QTMAN: variants seen among roughly 807,000 people sequenced by gnomAD.
QTMAN encodes the protein queuosine-tRNA mannosyltransferase, also known as tRNA-queuosine alpha-mannosyltransferase.
chr2:144,173,248 T>C, the QTMAN span, among the ~76,000 whole-genome samples: 1 of 152,170 alleles, frequency 6.6e-6, no homozygotes, highest in Non-Finnish European at 1.5e-5. Context: ...TCCATCTCCT[T>C]GTATTCATGC....
the QTMAN span, among the ~76,000 whole-genome samples, chr2:144,116,538 G>A: frequency 5.3e-5 from 8 of 152,082 alleles, no homozygotes; most frequent in African/African-American, 9.7e-5. Flanking sequence ...TAGAACTCCC[G>A]TACACAATGC....
At chr2:144,019,833 C>T in the QTMAN span, among the ~76,000 whole-genome samples, 2 of 152,152 alleles carry the variant, frequency 1.3e-5, no homozygotes, top group Admixed American at 1.3e-4. Context: ...GGAGATTCAC[C>T]TTCTAGGAAA....
chr2:143,994,906 A>T, the QTMAN span, among the ~76,000 whole-genome samples: 1 of 152,226 alleles, frequency 6.6e-6, no homozygotes. Context: ...ACCCCATTAA[A>T]GCTGTTTTTA....
At chr2:144,198,656 A>G in the QTMAN span, among the ~76,000 whole-genome samples, 1 of 152,146 alleles carries the variant, frequency 6.6e-6, no homozygotes, top group East Asian at 1.9e-4. Flanking sequence ...ACTCAATTAC[A>G]TTTGCTTTCA....
the QTMAN span, among the ~76,000 whole-genome samples, chr2:144,246,579 CAAAAAAAAAAA>C: frequency 1.9e-4 from 9 of 47,072 alleles, no homozygotes; most frequent in East Asian, 5.8e-4. Context: ...GACTCCGTCT[CAAAAAAAAAAA>C]AAAAAAAAAA....
the QTMAN span, among the ~76,000 whole-genome samples, chr2:144,272,078 C>A: frequency 6.6e-6 from 1 of 152,056 alleles, no homozygotes; most frequent in African/African-American, 2.4e-5. Flanking sequence ...TGATATTGTT[C>A]TCTGTGTAGC....
At chr2:144,182,112 A>C in the QTMAN span, among the ~76,000 whole-genome samples, 7 of 152,138 alleles carry the variant, frequency 4.6e-5, no homozygotes, top group Non-Finnish European at 1.0e-4. Flanking sequence ...GAAATAAAAG[A>C]GAATAAAAAA....
the QTMAN span, among the ~76,000 whole-genome samples, chr2:143,956,266 GA>G: frequency 1.3e-5 from 2 of 152,128 alleles, no homozygotes; most frequent in Non-Finnish European, 2.9e-5. Flanking sequence ...GTGATATTCT[GA>G]AGGAGATTTT....
the QTMAN span, among the ~76,000 whole-genome samples, chr2:144,008,968 A>C: frequency 1.3e-5 from 2 of 152,118 alleles, no homozygotes; most frequent in Middle Eastern, 3.4e-3. Context: ...GGTAGAGAGA[A>C]GGGAGGGGAA....
the QTMAN span, among the ~76,000 whole-genome samples, chr2:144,282,644 T>C: frequency 6.6e-6 from 1 of 152,062 alleles, no homozygotes; most frequent in Non-Finnish European, 1.5e-5. Context: ...ATGGTGTGAA[T>C]TAATAGGAAA....
the QTMAN span, among the ~76,000 whole-genome samples, chr2:144,089,558 A>G: frequency 6.6e-6 from 1 of 152,048 alleles, no homozygotes; most frequent in Non-Finnish European, 1.5e-5. Context: ...TCATCAAGAG[A>G]TGAATATATA....
At chr2:143,947,203 G>T in the QTMAN span, 2 of 1,166,352 alleles carry the variant, frequency 1.7e-6, no homozygotes, top group Non-Finnish European at 2.6e-6. Context: ...ATGAAAGTAT[G>T]CTGAAAATTT....
At chr2:144,320,604 T>C in the QTMAN span, among the ~76,000 whole-genome samples, 1 of 152,200 alleles carries the variant, frequency 6.6e-6, no homozygotes, top group Non-Finnish European at 1.5e-5. Context: ...GCCTGCTCCA[T>C]GTCCCCAAAC....
chr2:144,169,733 G>C, the QTMAN span, among the ~76,000 whole-genome samples: 1 of 151,904 alleles, frequency 6.6e-6, no homozygotes, highest in Non-Finnish European at 1.5e-5. Flanking sequence ...GATTGCATGG[G>C]TTTTAAATGT....
the QTMAN span, among the ~76,000 whole-genome samples, chr2:144,190,375 C>A: frequency 2.6e-5 from 4 of 152,138 alleles, no homozygotes; most frequent in Admixed American, 1.3e-4. Context: ...AATATACTTA[C>A]AATGGATAGG....
chr2:144,179,190 A>C, the QTMAN span, among the ~76,000 whole-genome samples: 1 of 152,164 alleles, frequency 6.6e-6, no homozygotes, highest in African/African-American at 2.4e-5. Flanking sequence ...TTTCTGAGTG[A>C]AACAATTCTC....
the QTMAN span, among the ~76,000 whole-genome samples, chr2:144,016,637 G>C: frequency 3.9e-5 from 6 of 152,230 alleles, no homozygotes; most frequent in Admixed American, 2.6e-4. Flanking sequence ...GATATTTTAG[G>C]GGAAGCCATC....
At chr2:144,181,275 A>C in the QTMAN span, among the ~76,000 whole-genome samples, 1 of 152,358 alleles carries the variant, frequency 6.6e-6, no homozygotes, top group East Asian at 1.9e-4. Flanking sequence ...GCATTACAGA[A>C]TTATTTAATA....
the QTMAN span, among the ~76,000 whole-genome samples, chr2:144,042,688 C>T: frequency 6.7e-6 from 1 of 149,244 alleles, no homozygotes; most frequent in Admixed American, 6.7e-5. Context: ...GGCGTGAACC[C>T]GGAAGGCGGA....
Sources: gnomAD v4.1 joint callset for allele counts (sites outside exome capture counted in the v4.1 genomes callset) on GRCh38, gnomAD v4.1.1 for gene constraint, MANE v1.5 for transcripts, NCBI Gene and HGNC (gene_info 2026-07-23, HGNC 2026-07-21) for gene names.